The following CALCA variants were observed in gnomAD, a reference collection of about 807,000 sequenced individuals.
The protein encoded by CALCA is calcitonin related polypeptide alpha.
A neutral mutation model predicts 6.9 loss-of-function variants in CALCA; 4 were observed. That is an observed-to-expected ratio of 0.58 (90% CI 0.29 to 1.33). CALCA has a LOEUF of 1.33. CALCA is among the 40% of genes most tolerant of loss of function. The pLI is 0.09. For synonymous variants in CALCA, 78 were observed against 70.0 expected (o/e 1.11, Z -0.57); for missense variants, 174 against 178.3 (o/e 0.98, Z 0.14).
intron 2 of CALCA, among the ~76,000 whole-genome samples, chr11:14,970,686 G>C (rs1428051595): frequency 6.6e-6 from 1 of 152,020 alleles, no homozygotes; most frequent in African/African-American, 2.4e-5. Flanking sequence ...GATCACCTGA[G>C]GTCAGGAGTT....
chr11:14,967,593 C>T, downstream of CALCA: 1 of 1,529,564 alleles, frequency 6.5e-7, no homozygotes, highest in Non-Finnish European at 9.0e-7. Context: ...ACCACATGGT[C>T]TCAGAGAGGC....
At chr11:14,971,432 T>C (rs1279958074) in intron 1 of CALCA, among the ~76,000 whole-genome samples, 1 of 152,172 alleles carries the variant, frequency 6.6e-6, no homozygotes, top group Non-Finnish European at 1.5e-5. Flanking sequence ...GGAGCGATCC[T>C]AGAGGGAGAG....
At chr11:14,967,927 C>T, downstream of CALCA, 2 of 1,566,430 alleles carry the variant, frequency 1.3e-6, no homozygotes, top group Non-Finnish European at 1.8e-6. Flanking sequence ...CCCCATGGGA[C>T]CTTCATGGTA....
At chr11:14,967,978 TCTC>T, downstream of CALCA, 1 of 1,104,134 alleles carries the variant, frequency 9.1e-7, no homozygotes, top group Non-Finnish European at 1.4e-6. Context: ...TTTAAGTGTT[TCTC>T]CTAAACACAA....
At chr11:14,969,889 G>A in intron 3 of CALCA, 46 bp downstream of exon 3, 1 of 1,611,970 alleles carries the variant, frequency 6.2e-7, no homozygotes, top group South Asian at 1.1e-5. Context: ...TCCTGTGTAT[G>A]CTGCGGGGAG....
At chr11:14,969,446 C>T (rs1392392916) in intron 3 of CALCA, among the ~76,000 whole-genome samples, 1 of 152,188 alleles carries the variant, frequency 6.6e-6, no homozygotes, top group Non-Finnish European at 1.5e-5. Context: ...ACCTCAGACA[C>T]TGCTCTACCC....
chr11:14,967,948 G>C, downstream of CALCA: 1 of 1,428,788 alleles, frequency 7.0e-7, no homozygotes, highest in Non-Finnish European at 9.8e-7. Flanking sequence ...AAGTTGCTGT[G>C]CTGAAAGGCA....
At chr11:14,967,631 A>G (rs1849486077), downstream of CALCA, 2 of 1,610,738 alleles carry the variant, frequency 1.2e-6, no homozygotes, top group South Asian at 1.1e-5. Flanking sequence ...CCCTGTAAAA[A>G]CCAGTCATTC....
rs1224446423 is a variant in CALCA, at chr11:14,968,582, G to A, written c.*217C>T. The A allele has an allele frequency of 3.4e-6, 5 of 1,453,658 alleles. No individual in the cohort carries two copies. Among genetic ancestry groups the A allele is most frequent in the African/African-American group, 2.8e-5 (2 of 70,640 alleles). 90.0% of individuals were successfully genotyped at this position (1,453,658 alleles called of 1,614,324 possible). ...AGGAGCTCTGATGACATCTCTGGGG[G>A]ACTCAAAGCGGCCCTCATTTTCTGG... is the stretch of plus-strand genomic sequence containing the variant. On this transcript the variant is annotated 3_prime_UTR_variant, in exon 4 of 4. Coordinates refer to ENST00000331587, the MANE Select transcript of CALCA (RefSeq NM_001741.3).
intron 1 of CALCA, among the ~76,000 whole-genome samples, chr11:14,972,043 C>G (rs1590268926): frequency 6.6e-6 from 1 of 152,100 alleles, no homozygotes; most frequent in African/African-American, 2.4e-5. Flanking sequence ...AGTCCGCAGC[C>G]GAGCAGGAAG....
In CALCA at chr11:14,968,815, G is replaced by A. The variant is rs142176531; in HGVS notation, c.410C>T (p.Pro137Leu). 5 of 1,613,990 alleles carry A rather than the reference G, an allele frequency of 3.1e-6. No homozygotes were observed. In the African/African-American group the frequency reaches 5.3e-5, roughly 17 times the overall value. ...ERDHRPHVSM[P>L]QNAN Reference sequence around the variant, plus strand: ...GGGAGGAGTTTAGTTGGCATTCTGGGGCATGCTAACATGAGGGCGATGGTC... The same window carrying A: ...GGGAGGAGTTTAGTTGGCATTCTGGAGCATGCTAACATGAGGGCGATGGTC... Residue 137 changes from proline (P) to leucine (L), a missense_variant, in exon 4 of 4, where the codon CCC becomes CTC. Pro to Leu is a moderately conservative substitution (Grantham distance 98). Transcript: ENST00000331587.
chr11:14,968,206 TC>T, downstream of CALCA: 1 of 349,328 alleles, frequency 2.9e-6, no homozygotes, highest in Non-Finnish European at 5.4e-6. Context: ...CCAGCCCCAT[TC>T]ACAAAGGACT....
chr11:14,969,861 A>C, intron 3 of CALCA, 74 bp downstream of exon 3: 2 of 1,606,750 alleles, frequency 1.2e-6, no homozygotes, highest in African/African-American at 1.3e-5. Flanking sequence ...GTTCTCTCCT[A>C]CCTCTCGGGA....
chr11:14,967,822 G>T (rs1335745623), downstream of CALCA: 2 of 1,614,224 alleles, frequency 1.2e-6, no homozygotes, highest in Admixed American at 1.7e-5. Context: ...CACACAGGTG[G>T]CAGTGTCACA....
At chr11:14,969,877 C>T (rs1411409599) in intron 3 of CALCA, 58 bp downstream of exon 3, 9 of 1,611,630 alleles carry the variant, frequency 5.6e-6, no homozygotes, top group East Asian at 2.2e-5. Context: ...CGGGATCCAC[C>T]TTCCTGTGTA....
In CALCA at chr11:14,969,907, C is replaced by G. The variant is rs530631321; in HGVS notation, c.227+28G>C. 8 of 1,612,288 alleles carry G rather than the reference C, an allele frequency of 5.0e-6. No homozygotes were observed. The South Asian group carries it at 6.6e-5, about 13-fold the overall frequency. ...TGTGTATGCTGCGGGGAGAGGAGGC[C>G]CTGTGCTGAGCGCTTGGGGAGCCTC... is the stretch of plus-strand genomic sequence containing the variant. On this transcript the variant is annotated intron_variant, in intron 3 of 3. Transcript: ENST00000331587.
chr11:14,969,265 A>C (rs944007458), intron 3 of CALCA, among the ~76,000 whole-genome samples: 1 of 152,156 alleles, frequency 6.6e-6, no homozygotes, highest in African/African-American at 2.4e-5. Context: ...CTCAGGGCAG[A>C]TGCAGGGGCA....
chr11:14,968,609 A>G lies in CALCA; in HGVS notation c.*190T>C. The G allele has an allele frequency of 6.7e-7, 1 of 1,499,540 alleles. No homozygotes were observed. The allele number at this position is 1,499,540 out of a possible 1,614,324, so 92.9% of individuals were successfully genotyped here. A position where few individuals can be genotyped will look rare whatever the true frequency, so the allele number is the denominator to read the frequency against. ...CTCAAAGCGGCCCTCATTTTCTGGT[A>G]TTTTCCCAGGTGATTCTCTTCCAAC... On this transcript the variant is annotated 3_prime_UTR_variant, in exon 4 of 4. Coordinates refer to ENST00000331587, the MANE Select transcript of CALCA (RefSeq NM_001741.3).
At chr11:14,968,418 G>A (rs782444972), downstream of CALCA, 13 of 1,179,272 alleles carry the variant, frequency 1.1e-5, no homozygotes, top group Non-Finnish European at 1.4e-5. Context: ...CTAGCCTAGG[G>A]TTAAGGCTAT....
Sources: allele counts gnomAD v4.1 joint callset (sites outside exome capture counted in the v4.1 genomes callset), GRCh38; gene constraint gnomAD v4.1.1; transcripts MANE v1.5; gene names NCBI Gene and HGNC (gene_info 2026-07-23, HGNC 2026-07-21).